The following SV2C variants were observed in gnomAD, a reference collection of about 807,000 sequenced individuals.
SV2C encodes synaptic vesicle glycoprotein 2C, also known as solute carrier family 22 member B3.
Under a neutral mutation model 79.7 loss-of-function variants are expected in SV2C, and 49 were observed. The observed-to-expected ratio is 0.61, with a 90% CI of 0.49 to 0.78. The LOEUF (loss-of-function observed/expected upper bound fraction) is 0.78. Among genes scored for constraint, SV2C ranks in the 30% least tolerant of loss-of-function variants. SV2C has a pLI of 0.00. For synonymous variants in SV2C, 334 were observed against 333.2 expected, an observed-to-expected ratio of 1.00 and a Z score of -0.03; for missense variants, 833 against 912.9, an observed-to-expected ratio of 0.91 and a Z score of 1.13.
intron 4 of SV2C, among the ~76,000 whole-genome samples, chr5:76,261,246 CT>C (rs1746457058): frequency 6.6e-6 from 1 of 152,050 alleles, no homozygotes; most frequent in Non-Finnish European, 1.5e-5. Flanking sequence ...CTCTGCTTGT[CT>C]GTTGTTGGTG....
chr5:76,222,455 G>T (rs1198379236), intron 4 of SV2C, among the ~76,000 whole-genome samples: 1 of 152,054 alleles, frequency 6.6e-6, no homozygotes, highest in East Asian at 1.9e-4. Flanking sequence ...TGGGATGATT[G>T]GGGGGTGGGG....
At chr5:75,941,446 G>A in the SV2C span, among the ~76,000 whole-genome samples, 2,744 of 152,174 alleles carry the variant, frequency 0.018, 61 homozygotes, top group African/African-American at 0.051. Flanking sequence ...CTTGTTATAA[G>A]ATAGCCACCA....
At chr5:76,140,480 T>A (rs943522015) in intron 2 of SV2C, among the ~76,000 whole-genome samples, 7 of 152,132 alleles carry the variant, frequency 4.6e-5, no homozygotes, top group African/African-American at 1.4e-4. Flanking sequence ...GATAGCTGGG[T>A]CTGAAAACAA....
At chr5:75,982,238 GAA>G in the SV2C span, among the ~76,000 whole-genome samples, 10,628 of 138,918 alleles carry the variant, frequency 0.077, 1,102 homozygotes, top group African/African-American at 0.23. Context: ...AAAATAAAAA[GAA>G]AAAAAAAAAG....
chr5:76,317,563 C>T (rs1170904252), intron 12 of SV2C, among the ~76,000 whole-genome samples: 1 of 152,180 alleles, frequency 6.6e-6, no homozygotes, highest in East Asian at 1.9e-4. Flanking sequence ...GGTGCTGTGG[C>T]TCATGCCTGT....
At chr5:76,132,832 T>C (rs1463827784) in intron 2 of SV2C, among the ~76,000 whole-genome samples, 2 of 152,118 alleles carry the variant, frequency 1.3e-5, no homozygotes, top group South Asian at 2.1e-4. Context: ...ATTTTTTCTA[T>C]TATCTATGTG....
intron 12 of SV2C, among the ~76,000 whole-genome samples, chr5:76,324,506 C>A (rs1470439685): frequency 1.3e-5 from 2 of 152,036 alleles, no homozygotes; most frequent in East Asian, 3.9e-4. Flanking sequence ...CTGTTTTGTT[C>A]CTGAGAGAAG....
chr5:76,031,205 G>C, the SV2C span, among the ~76,000 whole-genome samples: 1 of 152,164 alleles, frequency 6.6e-6, no homozygotes, highest in Non-Finnish European at 1.5e-5. Context: ...TCATCATTTG[G>C]TCCCTGGCTT....
At chr5:76,212,299 G>T (rs1744788905) in intron 4 of SV2C, among the ~76,000 whole-genome samples, 1 of 152,086 alleles carries the variant, frequency 6.6e-6, no homozygotes, top group Non-Finnish European at 1.5e-5. Context: ...CAGAGCCACT[G>T]CTAGTCTATC....
intron 12 of SV2C, among the ~76,000 whole-genome samples, chr5:76,321,190 A>G (rs1299109558): frequency 1.3e-5 from 2 of 152,208 alleles, no homozygotes; most frequent in African/African-American, 4.8e-5. Flanking sequence ...ATGAGTAGTT[A>G]TGACTTGTCA....
intron 12 of SV2C, among the ~76,000 whole-genome samples, chr5:76,345,953 C>A (rs1414236205): frequency 2.0e-5 from 3 of 152,198 alleles, no homozygotes; most frequent in East Asian, 3.8e-4. Flanking sequence ...TGAAACCACT[C>A]CTCAGAGCTC....
intron 12 of SV2C, among the ~76,000 whole-genome samples, chr5:76,313,345 C>T (rs775101659): frequency 4.6e-5 from 7 of 152,024 alleles, no homozygotes; most frequent in Non-Finnish European, 1.0e-4. Context: ...CCTTATACGC[C>T]TTATCATTAT....
chr5:75,925,525 C>T, the SV2C span, among the ~76,000 whole-genome samples: 1 of 152,070 alleles, frequency 6.6e-6, no homozygotes, highest in Non-Finnish European at 1.5e-5. Flanking sequence ...TTCCAATCTC[C>T]ATACACATAG....
At chr5:76,100,499 T>C (rs766437611) in intron 1 of SV2C, among the ~76,000 whole-genome samples, 2 of 152,160 alleles carry the variant, frequency 1.3e-5, no homozygotes, top group African/African-American at 2.4e-5. Flanking sequence ...CTTAACAGGA[T>C]TGAAGAAAAT....
chr5:76,026,722 A>G, the SV2C span, among the ~76,000 whole-genome samples: 1 of 152,208 alleles, frequency 6.6e-6, no homozygotes, highest in Non-Finnish European at 1.5e-5. Context: ...GAGCCTAACT[A>G]AAGTATTTAT....
chr5:76,245,911 AGTGTGTGTGTGTGTGTGTGTGTGTAT>A (rs1194449667), intron 4 of SV2C, among the ~76,000 whole-genome samples: 21 of 145,292 alleles, frequency 1.4e-4, no homozygotes, highest in Admixed American at 6.1e-4. Flanking sequence ...GAGGCAGGGG[AGTGTGTGTGTGTGTGTGTGTGTGTAT>A]GTGTGTGTGT....
At chr5:75,936,830 A>G in the SV2C span, among the ~76,000 whole-genome samples, 2 of 152,214 alleles carry the variant, frequency 1.3e-5, no homozygotes, top group Non-Finnish European at 2.9e-5. Flanking sequence ...TATGAGAGGA[A>G]CTGATTGCCA....
chr5:76,146,710 C>T lies in SV2C; in HGVS notation c.580+14380C>T, dbSNP rs564306948. 4.1e-5 allele frequency among the ~76,000 whole-genome samples: 6 copies of T among 147,606 alleles called. No homozygotes were observed. In the East Asian group the frequency reaches 6.1e-4, roughly 15 times the overall value. On this transcript the variant is annotated intron_variant, in intron 2 of 12. Transcript: ENST00000502798. Reference sequence around the variant, plus strand: ...ATTTTACCCAGCTCCTATTCAAGACCGAGTTGCTCTGGTTCAAATGTCTCT... The same window carrying T: ...ATTTTACCCAGCTCCTATTCAAGACTGAGTTGCTCTGGTTCAAATGTCTCT...
intron 4 of SV2C, among the ~76,000 whole-genome samples, chr5:76,254,850 T>C (rs1746218694): frequency 6.6e-6 from 1 of 152,214 alleles, no homozygotes; most frequent in Non-Finnish European, 1.5e-5. Flanking sequence ...CATTGCTATC[T>C]GAGGGTAGAA....
Sources: allele counts gnomAD v4.1 joint callset (sites outside exome capture counted in the v4.1 genomes callset), GRCh38; gene constraint gnomAD v4.1.1; transcripts MANE v1.5; gene names NCBI Gene and HGNC (gene_info 2026-07-23, HGNC 2026-07-21).